GPM6A: variants seen among roughly 807,000 people sequenced by gnomAD.
GPM6A encodes the protein glycoprotein M6A.
Under a neutral mutation model 32.1 loss-of-function variants are expected in GPM6A, and 7 were observed. The observed-to-expected ratio is 0.22, with a 90% CI of 0.12 to 0.41. GPM6A has a LOEUF of 0.41. Ranked by LOEUF, GPM6A falls within the 10% of genes least tolerant of loss-of-function variation. The probability of loss-of-function intolerance (pLI) is 1.00; values close to 1 mark genes in which losing one functional copy is unlikely to be tolerated. For synonymous variants in GPM6A, 130 were observed against 123.4 expected, an observed-to-expected ratio of 1.05 and a Z score of -0.35; for missense variants, 235 against 347.2, an observed-to-expected ratio of 0.68 and a Z score of 2.57.
At chr4:175,709,072 A>G (rs1745381279) in intron 1 of GPM6A, among the ~76,000 whole-genome samples, 1 of 152,220 alleles carries the variant, frequency 6.6e-6, no homozygotes, top group South Asian at 2.1e-4. Context: ...AATTTCTGTA[A>G]GCATACGTAA....
intron 1 of GPM6A, among the ~76,000 whole-genome samples, chr4:175,857,149 T>C (rs1736443229): frequency 6.6e-6 from 1 of 152,228 alleles, no homozygotes; most frequent in African/African-American, 2.4e-5. Context: ...AACTTAAAGC[T>C]GTTGTAAAAA....
intron 1 of GPM6A, chr4:175,872,866 C>A (rs1736954933): frequency 6.6e-6 from 1 of 152,088 alleles, no homozygotes; most frequent in Admixed American, 6.6e-5. Flanking sequence ...CATCAGAGTT[C>A]TTTCTAACAA....
Position 175,879,647 on chromosome 4 carries a change from A to T in GPM6A, c.-22-67398T>A, listed in dbSNP as rs960849163. Among the ~76,000 whole-genome samples, 12 of 152,180 alleles carry T rather than the reference A, an allele frequency of 7.9e-5. 1 individual carries two copies. Among genetic ancestry groups the T allele is most frequent in the Admixed American group, 3.9e-4 (6 of 15,262 alleles). On this transcript the variant is annotated intron_variant, in intron 1 of 7. Coordinates refer to the GPM6A transcript ENST00000280187. Reference sequence around the variant, plus strand: ...TGACACATGAGGATTATTACAATTCAAGGTGAGATTTAATTGAGGACACAG... The same window carrying T: ...TGACACATGAGGATTATTACAATTCTAGGTGAGATTTAATTGAGGACACAG...
chr4:175,947,080 T>A (rs143999447), intron 1 of GPM6A, among the ~76,000 whole-genome samples: 33 of 152,274 alleles, frequency 2.2e-4, no homozygotes, highest in Non-Finnish European at 3.7e-4. Context: ...TTAATCATCA[T>A]CTTCATTAAA....
chr4:175,930,426 G>T (rs1444996560), intron 1 of GPM6A, among the ~76,000 whole-genome samples: 11 of 74,326 alleles, frequency 1.5e-4, no homozygotes, highest in African/African-American at 2.3e-4. Context: ...TCTGTTTTTT[G>T]GGGGGGGGTT....
intron 1 of GPM6A, among the ~76,000 whole-genome samples, chr4:175,960,583 C>T (rs1386822167): frequency 1.3e-5 from 2 of 152,114 alleles, no homozygotes; most frequent in African/African-American, 2.4e-5. Flanking sequence ...CTGATGTCTC[C>T]GCCATCCCCC....
intron 1 of GPM6A, among the ~76,000 whole-genome samples, chr4:175,793,440 G>A (rs142628271): frequency 1.6e-3 from 240 of 152,148 alleles, no homozygotes; most frequent in African/African-American, 5.2e-3. Context: ...GCAGTGGCGC[G>A]ATCTCGGCTC....
intron 1 of GPM6A, among the ~76,000 whole-genome samples, chr4:175,799,718 A>C (rs1046151732): frequency 8.3e-6 from 1 of 121,062 alleles, no homozygotes; most frequent in Non-Finnish European, 1.8e-5. Context: ...CCCAGGCCGG[A>C]CTGCGGACTG....
intron 1 of GPM6A, among the ~76,000 whole-genome samples, chr4:175,879,929 T>C (rs1737214651): frequency 6.6e-6 from 1 of 152,124 alleles, no homozygotes; most frequent in African/African-American, 2.4e-5. Flanking sequence ...ATCAAAAGCA[T>C]TTTAAAAAAC....
In GPM6A at chr4:175,770,251, C is replaced by T. The variant is rs144556144; in HGVS notation, c.37+41940G>A. 5.5e-3 allele frequency among the ~76,000 whole-genome samples: 843 copies of T among 152,324 alleles called. 3 individuals carry two copies. Among genetic ancestry groups the T allele is most frequent in the Non-Finnish European group, 9.8e-3 (665 of 68,040 alleles). ...ATGTTGGCCAGGTTGGTCTCGAACT[C>T]CTGACCTCAGATGATCCACCCACCT... On this transcript the variant is annotated intron_variant, in intron 1 of 6. Transcript: ENST00000393658.
chr4:175,794,522 TG>T (rs1734139883), intron 1 of GPM6A, among the ~76,000 whole-genome samples: 4 of 152,252 alleles, frequency 2.6e-5, no homozygotes, highest in Admixed American at 2.6e-4. Flanking sequence ...TTCACAACTT[TG>T]AATTCAAGAT....
intron 1 of GPM6A, among the ~76,000 whole-genome samples, chr4:175,789,417 A>T (rs1052441866): frequency 7.9e-5 from 12 of 152,188 alleles, no homozygotes; most frequent in African/African-American, 2.9e-4. Flanking sequence ...AACTAAACTC[A>T]TTGCAGAAGC....
At chr4:175,980,783 T>C (rs1282457641) in intron 1 of GPM6A, among the ~76,000 whole-genome samples, 1 of 152,208 alleles carries the variant, frequency 6.6e-6, no homozygotes, top group African/African-American at 2.4e-5. Flanking sequence ...GAGTTAGGAA[T>C]CCTAAGGCTT....
intron 1 of GPM6A, among the ~76,000 whole-genome samples, chr4:175,762,524 T>G: frequency 6.6e-6 from 1 of 150,500 alleles, no homozygotes; most frequent in East Asian, 1.9e-4. Context: ...TGAAATGTAT[T>G]TAAACTCTGA....
intron 1 of GPM6A, among the ~76,000 whole-genome samples, chr4:175,889,278 T>C (rs970062532): frequency 2.6e-5 from 4 of 152,082 alleles, no homozygotes; most frequent in Non-Finnish European, 5.9e-5. Flanking sequence ...ACTGATAAAT[T>C]TGATCACATG....
intron 1 of GPM6A, among the ~76,000 whole-genome samples, chr4:175,878,227 G>C (rs62334762): frequency 0.042 from 6,374 of 152,198 alleles, 169 homozygotes; most frequent in Middle Eastern, 0.075. Flanking sequence ...GCCGTCAGTG[G>C]ATCTACCATT....
Position 175,635,062 on chromosome 4 carries a change from T to C in GPM6A, c.685-5A>G, listed in dbSNP as rs1401041055. Reference sequence around the variant, plus strand: ...CAGAACCATAAGGTAGTGAACCTAATCAAAGAGAAAAATAATTTATATTGG... The same window carrying C: ...CAGAACCATAAGGTAGTGAACCTAACCAAAGAGAAAAATAATTTATATTGG... On this transcript the variant is annotated splice_polypyrimidine_tract_variant and splice_region_variant and intron_variant, in intron 6 of 6. Transcript: ENST00000393658. 6.2e-7 allele frequency: 1 copy of C among 1,611,456 alleles called. No homozygotes were observed. Among genetic ancestry groups the C allele is most frequent in the Non-Finnish European group, 8.5e-7 (1 of 1,178,168 alleles).
chr4:175,702,072 T>C (rs913071138), intron 1 of GPM6A, among the ~76,000 whole-genome samples: 4 of 152,192 alleles, frequency 2.6e-5, no homozygotes, highest in African/African-American at 4.8e-5. Flanking sequence ...CATGCATGCA[T>C]ATCATTCCAT....
chr4:175,713,027 C>G (rs915185730), intron 1 of GPM6A, among the ~76,000 whole-genome samples: 2 of 152,022 alleles, frequency 1.3e-5, no homozygotes, highest in Non-Finnish European at 2.9e-5. Context: ...CAAAATTATC[C>G]AAAGAATAGT....
Sources: gnomAD v4.1 joint callset for allele counts (sites outside exome capture counted in the v4.1 genomes callset) on GRCh38, gnomAD v4.1.1 for gene constraint, MANE v1.5 for transcripts, NCBI Gene and HGNC (gene_info 2026-07-23, HGNC 2026-07-21) for gene names.